The following PAPSS2 variants were observed in gnomAD, a reference collection of about 807,000 sequenced individuals.
The protein encoded by PAPSS2 is 3'-phosphoadenosine 5'-phosphosulfate synthase 2.
In PAPSS2, 61 loss-of-function variants were observed where a neutral mutation model predicts 66.5. The observed-to-expected ratio is 0.92, with a 90% CI of 0.75 to 1.14. The LOEUF is 1.14. Ranked by LOEUF, PAPSS2 falls within the 50% of genes most tolerant of loss-of-function variation. PAPSS2 has a pLI of 0.00. For synonymous variants in PAPSS2, 289 were observed against 287.5 expected, an observed-to-expected ratio of 1.01 and a Z score of -0.05; for missense variants, 708 against 789.6, an observed-to-expected ratio of 0.90 and a Z score of 1.24.
chr10:87,671,552 A>G (rs576311837), intron 1 of PAPSS2, among the ~76,000 whole-genome samples: 1 of 152,162 alleles, frequency 6.6e-6, no homozygotes, highest in African/African-American at 2.4e-5. Context: ...AGTGACTTAC[A>G]CATAACTCTA....
intron 1 of PAPSS2, among the ~76,000 whole-genome samples, chr10:87,682,472 A>G (rs944525863): frequency 1.3e-5 from 2 of 152,252 alleles, no homozygotes; most frequent in South Asian, 2.1e-4. Flanking sequence ...CCTTCCATCA[A>G]TGGGAGTTGT....
rs1472260131 is a variant in PAPSS2, at chr10:87,670,827, A to AAAATACCC, written c.27+10821_27+10828dup. 5.9e-5 allele frequency among the ~76,000 whole-genome samples: 9 copies of AAAATACCC among 152,328 alleles called. No individual in the cohort carries two copies. The East Asian group carries it at 1.5e-3, about 26-fold the overall frequency. ...GGGAATGGAAAAATCTGGGTCATCA[A>AAAATACCC]AAATACCCAGTTTCTTCCATTTTCT... On this transcript the variant is annotated intron_variant, in intron 1 of 12. Transcript: ENST00000456849.
At chr10:87,730,495 A>G (rs1395346435) in intron 9 of PAPSS2, among the ~76,000 whole-genome samples, 1 of 152,202 alleles carries the variant, frequency 6.6e-6, no homozygotes, top group Non-Finnish European at 1.5e-5. Context: ...AAATGTGTCA[A>G]AGTCTCAGTT....
At chr10:87,710,586 C>T (rs1442071793) in intron 2 of PAPSS2, among the ~76,000 whole-genome samples, 2 of 152,014 alleles carry the variant, frequency 1.3e-5, no homozygotes, top group East Asian at 1.9e-4. Flanking sequence ...ATGTGACACC[C>T]CTTGAAAAGA....
intron 11 of PAPSS2, among the ~76,000 whole-genome samples, chr10:87,744,150 A>G (rs1161329668): frequency 6.6e-6 from 1 of 152,142 alleles, no homozygotes; most frequent in African/African-American, 2.4e-5. Context: ...CCTATTATAC[A>G]TTGCCTTTGA....
intron 8 of PAPSS2, among the ~76,000 whole-genome samples, chr10:87,726,724 TA>T (rs984094283): frequency 6.6e-6 from 1 of 152,190 alleles, no homozygotes; most frequent in Non-Finnish European, 1.5e-5. Flanking sequence ...ATAAGTAACT[TA>T]TTATACAAAA....
chr10:87,667,913 T>A (rs1160007322), intron 1 of PAPSS2, among the ~76,000 whole-genome samples: 1 of 152,266 alleles, frequency 6.6e-6, no homozygotes, highest in East Asian at 1.9e-4. Context: ...ATTGATTTAT[T>A]ATGAAAAGTA....
chr10:87,744,603 G>A (rs1853913414), intron 11 of PAPSS2, among the ~76,000 whole-genome samples: 2 of 152,190 alleles, frequency 1.3e-5, no homozygotes, highest in Non-Finnish European at 2.9e-5. Flanking sequence ...AAGGTAATTA[G>A]CTCATTAATG....
intron 7 of PAPSS2, among the ~76,000 whole-genome samples, chr10:87,720,002 CAGCCTACCAAGTAGCTGAG>C (rs1264359099): frequency 1.3e-5 from 2 of 152,130 alleles, no homozygotes; most frequent in Non-Finnish European, 2.9e-5. Flanking sequence ...TCTTCTGCCT[CAGCCTACCAAGTAGCTGAG>C]ACTACAGGCG....
chr10:87,742,754 G>T (rs1853885166), intron 10 of PAPSS2, among the ~76,000 whole-genome samples: 1 of 152,204 alleles, frequency 6.6e-6, no homozygotes, highest in Admixed American at 6.5e-5. Context: ...TGGTACAAGA[G>T]GACTAATTAA....
At chr10:87,700,106 C>T (rs986586685) in intron 1 of PAPSS2, among the ~76,000 whole-genome samples, 3 of 152,058 alleles carry the variant, frequency 2.0e-5, no homozygotes, top group African/African-American at 7.2e-5. Flanking sequence ...ACCTATTAAT[C>T]ATATGGATGT....
Position 87,715,247 on chromosome 10 carries a change from C to G in PAPSS2, c.753+149C>G, listed in dbSNP as rs527249180. On this transcript the variant is annotated intron_variant, in intron 6 of 12. Transcript: ENST00000456849. ...TCCTTTTTTTCCAAGTTATTTTTAACCTCTTCTCCAAAGAAATCTCTCACC... is the reference window on the plus strand; with the variant it reads ...TCCTTTTTTTCCAAGTTATTTTTAAGCTCTTCTCCAAAGAAATCTCTCACC... 4.8e-5 allele frequency: 32 copies of G among 666,126 alleles called. No individual in the cohort carries two copies. In the South Asian group the frequency reaches 5.3e-4, roughly 11 times the overall value. The allele number at this position is 666,126 out of a possible 1,614,324, so 41.3% of individuals were successfully genotyped here.
chr10:87,692,784 A>G (rs1853187249), intron 1 of PAPSS2, among the ~76,000 whole-genome samples: 1 of 152,154 alleles, frequency 6.6e-6, no homozygotes, highest in South Asian at 2.1e-4. Context: ...ACTTGGGTCA[A>G]CCTAGTGCAA....
chr10:87,732,633 C>A (rs573129969), intron 9 of PAPSS2, among the ~76,000 whole-genome samples: 1 of 152,058 alleles, frequency 6.6e-6, no homozygotes, highest in East Asian at 1.9e-4. Context: ...ACTGGGAAAC[C>A]AAAAAATTTG....
intron 8 of PAPSS2, among the ~76,000 whole-genome samples, chr10:87,722,301 C>T (rs1853607020): frequency 6.6e-6 from 1 of 152,152 alleles, no homozygotes; most frequent in African/African-American, 2.4e-5. Flanking sequence ...AGTAAATATA[C>T]ATTTGCTGTG....
At chr10:87,725,771 T>C (rs546317133) in intron 8 of PAPSS2, among the ~76,000 whole-genome samples, 1 of 152,018 alleles carries the variant, frequency 6.6e-6, no homozygotes, top group African/African-American at 2.4e-5. Context: ...TCAGGGCTCA[T>C]TGCAGCCTCA....
chr10:87,728,603 G>T (rs1332743622), intron 9 of PAPSS2, among the ~76,000 whole-genome samples: 1 of 152,188 alleles, frequency 6.6e-6, no homozygotes, highest in Non-Finnish European at 1.5e-5. Flanking sequence ...AGCTGGACAT[G>T]GTGGCGGGCA....
At chr10:87,713,702 A>C (rs1853497182) in intron 3 of PAPSS2, among the ~76,000 whole-genome samples, 1 of 152,246 alleles carries the variant, frequency 6.6e-6, no homozygotes, top group African/African-American at 2.4e-5. Context: ...CTATGTGTTT[A>C]ATGCTGACAT....
chr10:87,735,278 G>A (rs1211302090), intron 9 of PAPSS2, among the ~76,000 whole-genome samples: 2 of 152,176 alleles, frequency 1.3e-5, no homozygotes, highest in African/African-American at 2.4e-5. Context: ...TAGGGATAGA[G>A]ATGCCCCTTG....
Sources: allele counts gnomAD v4.1 joint callset (sites outside exome capture counted in the v4.1 genomes callset), GRCh38; gene constraint gnomAD v4.1.1; transcripts MANE v1.5; gene names NCBI Gene and HGNC (gene_info 2026-07-23, HGNC 2026-07-21).